SCHIP1: variants seen among roughly 807,000 people sequenced by gnomAD.
The protein encoded by SCHIP1 is schwannomin-interacting protein 1.
Under a neutral mutation model 29.7 loss-of-function variants are expected in SCHIP1, and 8 were observed. The ratio of observed to expected loss-of-function variants is 0.27; its 90% CI spans 0.16 to 0.49. The LOEUF is 0.49. SCHIP1 is among the 20% of genes least tolerant of loss of function. The pLI is 0.99. For synonymous variants in SCHIP1, 76 were observed against 94.9 expected (o/e 0.80, Z 1.16); for missense variants, 193 against 294.6 (o/e 0.66, Z 2.52).
chr3:159,473,622 G>A, the SCHIP1 span, among the ~76,000 whole-genome samples: 1 of 146,282 alleles, frequency 6.8e-6, no homozygotes, highest in Non-Finnish European at 1.5e-5. Flanking sequence ...TTGAATTTGG[G>A]CAAGAAGGGT....
chr3:159,274,059 A>G, the SCHIP1 span: 2 of 982,548 alleles, frequency 2.0e-6, no homozygotes, highest in East Asian at 1.1e-4. Flanking sequence ...TGAAAAAAAT[A>G]CTTTCTCATT....
At chr3:159,401,408 T>C in the SCHIP1 span, 526 of 944,376 alleles carry the variant, frequency 5.6e-4, no homozygotes, top group Non-Finnish European at 6.2e-4. Context: ...TAAATAATTT[T>C]AGATAGTAAT....
chr3:159,513,240 G>A, the SCHIP1 span, among the ~76,000 whole-genome samples: 2 of 152,114 alleles, frequency 1.3e-5, no homozygotes, highest in Non-Finnish European at 2.9e-5. Flanking sequence ...TTTGATGTGG[G>A]GGGTACAAAG....
the SCHIP1 span, among the ~76,000 whole-genome samples, chr3:159,817,513 G>T: frequency 6.6e-6 from 1 of 152,044 alleles, no homozygotes; most frequent in East Asian, 1.9e-4. Flanking sequence ...GTGTTTGCCC[G>T]TATCTGTACT....
chr3:159,449,781 T>G, the SCHIP1 span, among the ~76,000 whole-genome samples: 1 of 152,166 alleles, frequency 6.6e-6, no homozygotes, highest in South Asian at 2.1e-4. Flanking sequence ...CTTGATCTTC[T>G]TTAAACAGGT....
the SCHIP1 span, among the ~76,000 whole-genome samples, chr3:159,409,153 CA>C: frequency 6.6e-6 from 1 of 152,156 alleles, no homozygotes; most frequent in African/African-American, 2.4e-5. Context: ...CAATAAAAGC[CA>C]CATATGACAA....
At chr3:159,568,270 G>A in the SCHIP1 span, among the ~76,000 whole-genome samples, 3 of 151,960 alleles carry the variant, frequency 2.0e-5, no homozygotes, top group Non-Finnish European at 4.4e-5. Context: ...CCTTTGTGAT[G>A]CATAAACATT....
intron 1 of SCHIP1, among the ~76,000 whole-genome samples, chr3:159,850,083 T>C (rs1306629385): frequency 6.6e-6 from 1 of 152,188 alleles, no homozygotes; most frequent in African/African-American, 2.4e-5. Context: ...ATTCATCATA[T>C]AGCGTACTAG....
chr3:159,347,139 G>A, the SCHIP1 span, among the ~76,000 whole-genome samples: 377 of 152,210 alleles, frequency 2.5e-3, no homozygotes, highest in Non-Finnish European at 4.4e-3. Context: ...ACGATAGTAC[G>A]TGCACATTGT....
the SCHIP1 span, among the ~76,000 whole-genome samples, chr3:159,458,061 G>C: frequency 2.6e-5 from 4 of 152,166 alleles, no homozygotes; most frequent in Non-Finnish European, 4.4e-5. Context: ...TCTGTGCAAG[G>C]AATTTTAAGC....
the SCHIP1 span, among the ~76,000 whole-genome samples, chr3:159,659,682 T>C: frequency 6.6e-6 from 1 of 152,192 alleles, no homozygotes; most frequent in Non-Finnish European, 1.5e-5. Flanking sequence ...AATGTAAATA[T>C]AATATCCTTG....
At chr3:159,635,342 T>C in the SCHIP1 span, among the ~76,000 whole-genome samples, 1 of 152,106 alleles carries the variant, frequency 6.6e-6, no homozygotes, top group Admixed American at 6.6e-5. Flanking sequence ...ATGGGGGGTC[T>C]CTAGTCAGGG....
chr3:159,573,507 G>C, the SCHIP1 span, among the ~76,000 whole-genome samples: 3 of 152,144 alleles, frequency 2.0e-5, no homozygotes, highest in Non-Finnish European at 4.4e-5. Flanking sequence ...TCCTTTTGTG[G>C]GTAACTCGAT....
chr3:159,679,572 G>A, the SCHIP1 span, among the ~76,000 whole-genome samples: 8 of 152,220 alleles, frequency 5.3e-5, no homozygotes, highest in African/African-American at 9.6e-5. Context: ...TGAGTAAACA[G>A]AGGTATCATC....
chr3:159,514,552 T>G, the SCHIP1 span, among the ~76,000 whole-genome samples: 37 of 152,340 alleles, frequency 2.4e-4, no homozygotes, highest in Admixed American at 2.4e-3. Context: ...GATGAAGAAG[T>G]GCAGTCAAGC....
chr3:159,388,261 A>C, the SCHIP1 span, among the ~76,000 whole-genome samples: 1 of 152,188 alleles, frequency 6.6e-6, no homozygotes, highest in Non-Finnish European at 1.5e-5. Flanking sequence ...GTAAACATTA[A>C]GAAACAATTG....
the SCHIP1 span, among the ~76,000 whole-genome samples, chr3:159,420,418 T>A: frequency 1.3e-5 from 2 of 152,190 alleles, no homozygotes; most frequent in Admixed American, 1.3e-4. Flanking sequence ...GATTGACGCA[T>A]CAGGTTCACC....
At chr3:159,854,378 A>G (rs542556191) in intron 1 of SCHIP1, among the ~76,000 whole-genome samples, 3 of 151,950 alleles carry the variant, frequency 2.0e-5, no homozygotes, top group African/African-American at 7.2e-5. Flanking sequence ...TTATATACAT[A>G]TATGTGTGTG....
the SCHIP1 span, among the ~76,000 whole-genome samples, chr3:159,497,857 C>T: frequency 6.6e-6 from 1 of 152,134 alleles, no homozygotes; most frequent in African/African-American, 2.4e-5. Flanking sequence ...AAGTACCCTC[C>T]CTACCGTGCC....
Sources: allele counts gnomAD v4.1 joint callset (sites outside exome capture counted in the v4.1 genomes callset), GRCh38; gene constraint gnomAD v4.1.1; transcripts MANE v1.5; gene names NCBI Gene and HGNC (gene_info 2026-07-23, HGNC 2026-07-21).